WDFY4: variants seen among roughly 807,000 people sequenced by gnomAD.
WDFY4 encodes WDFY family member 4.
Under a neutral mutation model 351.9 loss-of-function variants are expected in WDFY4, and 169 were observed. The observed-to-expected ratio is 0.48, with a 90% confidence interval of 0.42 to 0.55. The LOEUF is 0.55. WDFY4 is among the 20% of genes least tolerant of loss of function. WDFY4 has a pLI of 0.00. For synonymous variants in WDFY4, 1,622 were observed against 1,574.6 expected (o/e 1.03, Z -0.71); for missense variants, 3,803 against 3,935.6 (o/e 0.97, Z 0.90).
chr10:48,708,432 G>A (rs1395918250), intron 1 of WDFY4, among the ~76,000 whole-genome samples: 1 of 152,158 alleles, frequency 6.6e-6, no homozygotes, highest in Non-Finnish European at 1.5e-5. Context: ...ATGTCCCTCT[G>A]GTCACTACTT....
At chr10:48,780,318 AATGC>A (rs1306597480) in intron 19 of WDFY4, among the ~76,000 whole-genome samples, 199 bp downstream of exon 19, 1 of 152,246 alleles carries the variant, frequency 6.6e-6, no homozygotes, top group Non-Finnish European at 1.5e-5. Context: ...ATCTTTAGAA[AATGC>A]ATTGAAGGTC....
In WDFY4 at chr10:48,826,654, T is replaced by C; in HGVS notation, c.5983-17T>C. 6.5e-7 allele frequency: 1 copy of C among 1,534,486 alleles called. No individual in the cohort carries two copies. The highest frequency in any genetic ancestry group is 2.5e-5 in the East Asian group (1 of 40,686). On this transcript the variant is annotated splice_polypyrimidine_tract_variant and intron_variant, in intron 35 of 61. Coordinates refer to ENST00000325239, the MANE Select transcript of WDFY4 (RefSeq NM_001394531.1). ...ACTCACAAGTTTGTGTATGTGTATG[T>C]TTTTTTAATGACACAGGTCATTGAG...
intron 53 of WDFY4, 80 bp downstream of exon 53, chr10:48,959,893 T>C (rs935497757): frequency 8.2e-5 from 110 of 1,338,488 alleles, no homozygotes; most frequent in Non-Finnish European, 1.1e-4. Flanking sequence ...TCTGTCCAAG[T>C]GGAGGGCCAG....
In WDFY4 at chr10:48,877,201, T is replaced by C. The variant is rs778608796; in HGVS notation, c.7167+2T>C. ...CAAGAGCTTCTTGATAAAGAAAAGG[T>C]AATATACCCCATTGCAATAGCCTTT... On this transcript the variant is annotated splice_donor_variant, in intron 43 of 61. Coordinates refer to ENST00000325239, the MANE Select transcript of WDFY4 (RefSeq NM_001394531.1). LOFTEE classifies it high-confidence loss of function. The C allele has an allele frequency of 1.7e-5, 27 of 1,551,258 alleles. No individual in the cohort carries two copies. The highest frequency in any genetic ancestry group is 2.4e-5 in the Non-Finnish European group (27 of 1,146,764).
intron 1 of WDFY4, 99 bp from the exon 2 acceptor site, chr10:48,709,617 A>G: frequency 1.9e-6 from 2 of 1,051,022 alleles, no homozygotes; most frequent in Admixed American, 2.7e-5. Flanking sequence ...ACCATTTTCA[A>G]TAGAAACTGG....
chr10:48,700,640 C>T (rs901256311), intron 1 of WDFY4, among the ~76,000 whole-genome samples: 6 of 152,228 alleles, frequency 3.9e-5, no homozygotes, highest in African/African-American at 1.2e-4. Flanking sequence ...AGGGATGCTG[C>T]GCAAACGCAC....
intron 13 of WDFY4, among the ~76,000 whole-genome samples, chr10:48,761,189 G>A (rs529938463): frequency 2.0e-5 from 3 of 152,260 alleles, no homozygotes; most frequent in East Asian, 1.9e-4. Flanking sequence ...GCTAGGGGAG[G>A]AGCAAATTGG....
chr10:48,874,008 G>A (rs1276626469), intron 41 of WDFY4, among the ~76,000 whole-genome samples: 1 of 152,176 alleles, frequency 6.6e-6, no homozygotes, highest in Non-Finnish European at 1.5e-5. Context: ...CAAGTCCTGT[G>A]GAATCATCTG....
intron 23 of WDFY4, among the ~76,000 whole-genome samples, chr10:48,794,885 T>G (rs529875499): frequency 6.6e-6 from 1 of 152,120 alleles, no homozygotes; most frequent in South Asian, 2.1e-4. Flanking sequence ...AAAGAGAATG[T>G]CAGGTAAGGA....
In WDFY4 at chr10:48,779,869, G is replaced by GCC; in HGVS notation, c.3398-70_3398-69dup. ...GGCCCAGTGGTTGACGTCCGCCTAT[G>GCC]CCCTCCCCATTCTCCTGGGTTCCTG... On this transcript the variant is annotated intron_variant, in intron 18 of 61. Transcript: ENST00000325239. The GCC allele has an allele frequency of 2.0e-6, 3 of 1,521,230 alleles. No homozygotes were observed. In the South Asian group the frequency reaches 3.7e-5, roughly 19 times the overall value. The allele number at this position is 1,521,230 out of a possible 1,614,324, so 94.2% of individuals were successfully genotyped here.
chr10:48,867,356 CAT>C lies in WDFY4; in HGVS notation c.6741+16_6741+17del. 1 of 1,458,934 alleles carries C rather than the reference CAT, an allele frequency of 6.9e-7. No homozygotes were observed. Among genetic ancestry groups the C allele is most frequent in the Non-Finnish European group, 9.1e-7 (1 of 1,096,850 alleles). The allele number at this position is 1,458,934 out of a possible 1,614,324, so 90.4% of individuals were successfully genotyped here. A position where few individuals can be genotyped will look rare whatever the true frequency, so the allele number is the denominator to read the frequency against. On this transcript the variant is annotated intron_variant, in intron 40 of 61. Transcript: ENST00000325239. The stretch of plus-strand genomic sequence containing the variant: ...GACCATGTGCAAGTAAGAAACAAAA[CAT>C]AGGCTTTCTCTATACAGCAAGCTGG...
At chr10:48,868,001 A>G (rs377126619) in intron 40 of WDFY4, among the ~76,000 whole-genome samples, 1 of 152,170 alleles carries the variant, frequency 6.6e-6, no homozygotes, top group African/African-American at 2.4e-5. Context: ...CCCACAATAC[A>G]TGGTGATGAG....
At chr10:48,820,615 C>T (rs1368555829) in intron 33 of WDFY4, among the ~76,000 whole-genome samples, 178 bp downstream of exon 33, 3 of 152,192 alleles carry the variant, frequency 2.0e-5, no homozygotes, top group Non-Finnish European at 4.4e-5. Context: ...AGCACAGAGT[C>T]CCTAGAAGCA....
At chr10:48,703,552 G>A (rs2063538870) in intron 1 of WDFY4, among the ~76,000 whole-genome samples, 1 of 152,272 alleles carries the variant, frequency 6.6e-6, no homozygotes, top group South Asian at 2.1e-4. Context: ...TCTGCAGAAG[G>A]CACTGAGTCC....
intron 47 of WDFY4, chr10:48,932,737 G>T (rs1233769803): frequency 3.9e-5 from 6 of 152,130 alleles, no homozygotes; most frequent in Non-Finnish European, 7.4e-5. Flanking sequence ...AGCTGATGAT[G>T]TGACAGAGAA....
Position 48,788,578 on chromosome 10 carries a change from T to C in WDFY4, c.3857T>C (p.Val1286Ala). 6.4e-7 allele frequency: 1 copy of C among 1,551,820 alleles called. No individual in the cohort carries two copies. Among genetic ancestry groups the C allele is most frequent in the East Asian group, 2.4e-5 (1 of 40,920 alleles). Residue 1286 changes from valine (V) to alanine (A), a missense_variant, in exon 21 of 62, where the codon GTT becomes GCT. Physicochemically the swap from Val to Ala is moderately conservative, Grantham distance 64. This residue lies in a region of WDFY4 where 3,054 missense variants were observed against 3,148.6 expected (regional missense o/e 0.97). Coordinates refer to ENST00000325239, the MANE Select transcript of WDFY4 (RefSeq NM_001394531.1). ...ACGCCCTTTGTTGCAGAAGAAAGAG[T>C]TTCTTTTGGACTTCACATAGCCAGC... ...EATPFVAEER[V>A]SFGLHIASSS...
At chr10:48,811,451 G>A (rs2067443491) in intron 29 of WDFY4, 88 bp from the exon 30 acceptor site, 3 of 1,172,692 alleles carry the variant, frequency 2.6e-6, no homozygotes, top group African/African-American at 1.5e-5. Flanking sequence ...ATGGGTGGGT[G>A]GCCGGGTGTT....
chr10:48,949,174 CTTGGGTAGA>C (rs1841199143), intron 51 of WDFY4, among the ~76,000 whole-genome samples: 1 of 152,208 alleles, frequency 6.6e-6, no homozygotes, highest in Non-Finnish European at 1.5e-5. Context: ...TCAGATCTGT[CTTGGGTAGA>C]TTGACCCATC....
At chr10:48,880,363 G>A (rs2070196045) in intron 43 of WDFY4, among the ~76,000 whole-genome samples, 1 of 152,198 alleles carries the variant, frequency 6.6e-6, no homozygotes, top group Admixed American at 6.5e-5. Context: ...AGAGTCTGAA[G>A]CCCCCAGGTG....
Sources: allele counts gnomAD v4.1 joint callset (sites outside exome capture counted in the v4.1 genomes callset), GRCh38; gene constraint gnomAD v4.1.1; regional missense constraint gnomAD v4.1.1; transcripts MANE v1.5; gene names NCBI Gene and HGNC (gene_info 2026-07-23, HGNC 2026-07-21).